Variants in SRGAP3 observed in about 807,000 individuals in gnomAD.
SRGAP3 encodes SLIT-ROBO Rho GTPase-activating protein 3.
SRGAP3 carries 39 observed loss-of-function variants against 121.1 expected under a neutral mutation model. The observed-to-expected ratio is 0.32, with a 90% CI of 0.25 to 0.42. The LOEUF (loss-of-function observed/expected upper bound fraction) is 0.42. Among genes scored for constraint, SRGAP3 ranks in the 10% least tolerant of loss-of-function variants. SRGAP3 has a pLI of 1.00. For missense variants in SRGAP3, 1,213 were observed against 1,470.6 expected, an observed-to-expected ratio of 0.82 and a Z score of 2.86; for synonymous variants, 601 against 570.0, an observed-to-expected ratio of 1.05 and a Z score of -0.77.
intron 1 of SRGAP3, among the ~76,000 whole-genome samples, chr3:9,342,357 A>G (rs1175009856): frequency 6.6e-6 from 1 of 152,118 alleles, no homozygotes; most frequent in African/African-American, 2.4e-5. Context: ...TCTCAAAAAA[A>G]AAAAAAGGAA....
chr3:9,022,857 T>C (rs1943995802), intron 14 of SRGAP3, among the ~76,000 whole-genome samples: 1 of 152,132 alleles, frequency 6.6e-6, no homozygotes, highest in Admixed American at 6.6e-5. Flanking sequence ...GGAAAAAATA[T>C]TTTTTGCAGC....
At chr3:9,242,657 C>A (rs1484555147) in intron 1 of SRGAP3, among the ~76,000 whole-genome samples, 12 of 152,170 alleles carry the variant, frequency 7.9e-5, no homozygotes, top group Non-Finnish European at 1.8e-4. Context: ...CAAAACAAAA[C>A]AAAAACACTG....
intron 1 of SRGAP3, among the ~76,000 whole-genome samples, chr3:9,358,442 TCTC>T (rs1433056883): frequency 6.6e-6 from 1 of 152,154 alleles, no homozygotes; most frequent in African/African-American, 2.4e-5. Context: ...AAACCATGCT[TCTC>T]CTCTGCTCTC....
At chr3:9,062,788 G>A (rs993711870) in intron 5 of SRGAP3, among the ~76,000 whole-genome samples, 4 of 152,192 alleles carry the variant, frequency 2.6e-5, no homozygotes, top group Admixed American at 1.3e-4. Flanking sequence ...ATGAACATCT[G>A]AGTCATTTCC....
intron 1 of SRGAP3, among the ~76,000 whole-genome samples, chr3:9,170,691 C>T (rs576875163): frequency 2.0e-5 from 3 of 152,342 alleles, no homozygotes; most frequent in African/African-American, 7.2e-5. Context: ...CTTCGCCCAG[C>T]GAGGCAGATG....
intron 3 of SRGAP3, among the ~76,000 whole-genome samples, chr3:9,295,066 T>C (rs1559264200): frequency 6.6e-6 from 1 of 152,192 alleles, no homozygotes; most frequent in Non-Finnish European, 1.5e-5. Flanking sequence ...GTTGTTTTAC[T>C]TGTTACAAAG....
intron 4 of SRGAP3, among the ~76,000 whole-genome samples, chr3:9,077,319 C>T (rs976826163): frequency 3.3e-5 from 5 of 152,110 alleles, no homozygotes; most frequent in African/African-American, 1.2e-4. Context: ...TATTCATGAT[C>T]CCCCACTGTG....
intron 2 of SRGAP3, among the ~76,000 whole-genome samples, chr3:9,119,338 G>A (rs1948920146): frequency 6.6e-6 from 1 of 152,170 alleles, no homozygotes; most frequent in African/African-American, 2.4e-5. Flanking sequence ...ATGCCCATGA[G>A]TGGGCTCCTC....
At chr3:9,117,146 G>A (rs561121045) in intron 2 of SRGAP3, among the ~76,000 whole-genome samples, 15 of 152,226 alleles carry the variant, frequency 9.9e-5, no homozygotes, top group Non-Finnish European at 2.1e-4. Context: ...TGTGAATGGA[G>A]ACACAAGCCC....
At chr3:9,253,994 C>A (rs1954071363), upstream of SRGAP3, among the ~76,000 whole-genome samples, 1 of 152,126 alleles carries the variant, frequency 6.6e-6, no homozygotes, top group Non-Finnish European at 1.5e-5. Flanking sequence ...GCTGGAAAAG[C>A]TGACAAATTC....
chr3:9,338,853 A>G (rs1559283424), intron 1 of SRGAP3, among the ~76,000 whole-genome samples: 1 of 152,154 alleles, frequency 6.6e-6, no homozygotes, highest in Non-Finnish European at 1.5e-5. Flanking sequence ...TGCCAAACCA[A>G]TGGCACGTAC....
chr3:9,136,301 C>A (rs910925108), intron 1 of SRGAP3, among the ~76,000 whole-genome samples: 8 of 152,160 alleles, frequency 5.3e-5, no homozygotes, highest in African/African-American at 1.9e-4. Flanking sequence ...CGAGGGTCCG[C>A]AGGATCCGTG....
chr3:9,240,404 G>A (rs1247092655), intron 1 of SRGAP3, among the ~76,000 whole-genome samples: 2 of 152,056 alleles, frequency 1.3e-5, no homozygotes, highest in East Asian at 1.9e-4. Flanking sequence ...CCTAATAGCT[G>A]TGAAGGAAAG....
At chr3:9,037,623 C>T in intron 11 of SRGAP3, 1 of 241,372 alleles carries the variant, frequency 4.1e-6, no homozygotes, top group African/African-American at 2.3e-5. Flanking sequence ...TGAGCCTGGC[C>T]CAAAGCCTTG....
At position 9,103,221 on chromosome 3, in the gene SRGAP3, A is replaced by G. The variant is rs1178184247; in HGVS notation, c.423+1459T>C. The stretch of plus-strand genomic sequence containing the variant: ...ACACAGACCATGGAGAGATGATTAT[A>G]TTTTCAATCAACTTGTCCCCTTCTT... On this transcript the variant is annotated intron_variant, in intron 3 of 21. Coordinates refer to ENST00000383836, the MANE Select transcript of SRGAP3 (RefSeq NM_014850.4). Among the ~76,000 whole-genome samples, 4 of 152,208 alleles carry G rather than the reference A, an allele frequency of 2.6e-5. No homozygotes were observed. The East Asian group carries it at 7.7e-4, about 29-fold the overall frequency.
At chr3:9,139,209 T>C (rs1949766613) in intron 1 of SRGAP3, among the ~76,000 whole-genome samples, 5 of 152,208 alleles carry the variant, frequency 3.3e-5, no homozygotes, top group Admixed American at 3.3e-4. Flanking sequence ...TTTAAATGAA[T>C]AAATGAAATG....
chr3:9,039,908 C>T (rs1944939322), intron 10 of SRGAP3, among the ~76,000 whole-genome samples: 1 of 152,206 alleles, frequency 6.6e-6, no homozygotes, highest in African/African-American at 2.4e-5. Context: ...TATCTCAAAC[C>T]TTAAATGTTT....
chr3:9,245,308 T>G (rs1411417266), intron 1 of SRGAP3, among the ~76,000 whole-genome samples: 1 of 152,184 alleles, frequency 6.6e-6, no homozygotes. Flanking sequence ...TTCTACTGCC[T>G]GCACTGAGGT....
intron 7 of SRGAP3, 95 bp downstream of exon 7, chr3:9,058,156 A>C (rs1411042526): frequency 1.6e-5 from 22 of 1,399,680 alleles, no homozygotes; most frequent in Non-Finnish European, 2.0e-5. Flanking sequence ...CGTCGGATAG[A>C]AACTTTCTGT....
Sources: gnomAD v4.1 joint callset for allele counts (sites outside exome capture counted in the v4.1 genomes callset) on GRCh38, gnomAD v4.1.1 for gene constraint, MANE v1.5 for transcripts, NCBI Gene and HGNC (gene_info 2026-07-23, HGNC 2026-07-21) for gene names.